Variants in CDH13 observed in about 807,000 individuals in gnomAD.
CDH13 encodes the protein cadherin 13.
In CDH13, 24 loss-of-function variants were observed where a neutral mutation model predicts 63.8. That is an observed-to-expected ratio of 0.38 (90% CI 0.27 to 0.53). CDH13 has a LOEUF of 0.53. Ranked by LOEUF, CDH13 falls within the 20% of genes least tolerant of loss-of-function variation. The probability of loss-of-function intolerance (pLI) is 0.85; values close to 1 mark genes in which losing one functional copy is unlikely to be tolerated. For missense variants in CDH13, 1,049 were observed against 903.1 expected (o/e 1.16, Z -2.07); for synonymous variants, 503 against 355.3 (o/e 1.42, Z -4.67).
chr16:82,654,953 A>G (rs1911133279), intron 1 of CDH13, among the ~76,000 whole-genome samples: 1 of 152,230 alleles, frequency 6.6e-6, no homozygotes, highest in African/African-American at 2.4e-5. Flanking sequence ...GCCCACAGCC[A>G]TAGCAAATAA....
At chr16:83,613,871 T>A (rs1248559906) in intron 8 of CDH13, among the ~76,000 whole-genome samples, 1 of 152,136 alleles carries the variant, frequency 6.6e-6, no homozygotes, top group Non-Finnish European at 1.5e-5. Context: ...ATAATTACAC[T>A]CATATTTTAA....
At chr16:83,456,767 G>T (rs1302287656) in intron 6 of CDH13, among the ~76,000 whole-genome samples, 1 of 152,160 alleles carries the variant, frequency 6.6e-6, no homozygotes, top group African/African-American at 2.4e-5. Context: ...TTCGAGACCA[G>T]CCTGGCCAAT....
In CDH13 at chr16:82,968,038, T is replaced by A. The variant is rs114161879; in HGVS notation, c.158-63972T>A. Among the ~76,000 whole-genome samples the A allele has an allele frequency of 4.7e-3, 709 of 152,294 alleles. 6 individuals are homozygous for A. The highest frequency in any genetic ancestry group is 0.016 in the African/African-American group (671 of 41,556). ...AATGGCGATTCTCTAATGGCATGAG[T>A]CCTTCTACATTTATTTGTTGGCATT... On this transcript the variant is annotated intron_variant, in intron 2 of 13. Coordinates refer to ENST00000567109, the MANE Select transcript of CDH13 (RefSeq NM_001257.5).
intron 1 of CDH13, among the ~76,000 whole-genome samples, chr16:82,746,523 T>A (rs532931219): frequency 8.6e-5 from 13 of 152,006 alleles, no homozygotes; most frequent in Non-Finnish European, 1.8e-4. Flanking sequence ...TTTTTAAAAA[T>A]CGGGTTATTA....
Position 83,771,210 on chromosome 16 carries a change from C to T in CDH13, c.1682-8758C>T, listed in dbSNP as rs80119804. Reference sequence around the variant, plus strand: ...ATATTACCCTGCTTCTCTTAGAAAACGCACAGTTCTGCCCTCCCTACACCA... The same window carrying T: ...ATATTACCCTGCTTCTCTTAGAAAATGCACAGTTCTGCCCTCCCTACACCA... On this transcript the variant is annotated intron_variant, in intron 11 of 13. Coordinates refer to ENST00000567109, the MANE Select transcript of CDH13 (RefSeq NM_001257.5). Among the ~76,000 whole-genome samples, 714 of 152,214 alleles carry T rather than the reference C, an allele frequency of 4.7e-3. 6 individuals carry two copies. The highest frequency in any genetic ancestry group is 0.015 in the South Asian group (72 of 4,818).
chr16:83,458,287 C>T (rs8060645), intron 6 of CDH13, among the ~76,000 whole-genome samples: 124,800 of 152,122 alleles, frequency 0.82, 51,307 homozygotes, highest in East Asian at 0.94. Context: ...ACTTTTTAGT[C>T]GCCTTTGAAT....
chr16:83,590,272 A>G (rs1027759913), intron 7 of CDH13, among the ~76,000 whole-genome samples: 3 of 152,160 alleles, frequency 2.0e-5, no homozygotes, highest in Non-Finnish European at 4.4e-5. Flanking sequence ...TGCATAAGTC[A>G]AGGAAGAAGA....
chr16:83,549,990 G>T (rs1414600458), intron 7 of CDH13, among the ~76,000 whole-genome samples: 1 of 152,142 alleles, frequency 6.6e-6, no homozygotes, highest in African/African-American at 2.4e-5. Context: ...AAGGAGACAG[G>T]GTTTGCCAAA....
chr16:83,643,632 G>T (rs564367227), intron 8 of CDH13, among the ~76,000 whole-genome samples: 3 of 151,892 alleles, frequency 2.0e-5, no homozygotes, highest in East Asian at 3.9e-4. Context: ...GGGTGATCTT[G>T]GCCTTTCTTG....
intron 6 of CDH13, among the ~76,000 whole-genome samples, chr16:83,405,546 A>G (rs1267453968): frequency 6.6e-6 from 1 of 152,224 alleles, no homozygotes; most frequent in East Asian, 1.9e-4. Flanking sequence ...TCATGTCACT[A>G]GAAGGAATGT....
At chr16:83,426,630 A>C (rs915459999) in intron 6 of CDH13, among the ~76,000 whole-genome samples, 1 of 152,028 alleles carries the variant, frequency 6.6e-6, no homozygotes, top group African/African-American at 2.4e-5. Context: ...GAAGAGGGGA[A>C]TCCAACATGG....
At chr16:83,370,989 A>G (rs571634112) in intron 6 of CDH13, among the ~76,000 whole-genome samples, 76 of 152,338 alleles carry the variant, frequency 5.0e-4, no homozygotes, top group Non-Finnish European at 8.5e-4. Flanking sequence ...ATAAGATACC[A>G]TCTCACACCA....
intron 8 of CDH13, among the ~76,000 whole-genome samples, chr16:83,649,746 G>A (rs1361576764): frequency 6.6e-6 from 1 of 152,044 alleles, no homozygotes. Context: ...CTGCCTTCTC[G>A]CACTCTTCCC....
intron 1 of CDH13, among the ~76,000 whole-genome samples, chr16:82,731,942 G>C (rs1024001273): frequency 6.6e-6 from 1 of 152,088 alleles, no homozygotes; most frequent in African/African-American, 2.4e-5. Flanking sequence ...AGGCCTTTGA[G>C]TGGTTCCTCC....
At chr16:82,794,962 G>T (rs1170979287) in intron 1 of CDH13, among the ~76,000 whole-genome samples, 1 of 152,144 alleles carries the variant, frequency 6.6e-6, no homozygotes, top group Non-Finnish European at 1.5e-5. Flanking sequence ...CCATTATGCT[G>T]CATCCTCCCA....
intron 10 of CDH13, among the ~76,000 whole-genome samples, chr16:83,730,745 GGTATGAGTGATCCCATCA>G (rs1341653172): frequency 6.6e-6 from 1 of 151,962 alleles, no homozygotes; most frequent in African/African-American, 2.4e-5. Context: ...TGAAGTTTGG[GGTATGAGTGATCCCATCA>G]CCCAGACAGT....
chr16:82,867,693 A>C (rs1476705046), intron 2 of CDH13, among the ~76,000 whole-genome samples: 3 of 152,212 alleles, frequency 2.0e-5, no homozygotes, highest in African/African-American at 4.8e-5. Context: ...TTGAAAAATG[A>C]AGGCAATTAA....
intron 1 of CDH13, among the ~76,000 whole-genome samples, chr16:82,775,656 G>A (rs1246132557): frequency 2.0e-5 from 3 of 152,166 alleles, no homozygotes; most frequent in Non-Finnish European, 4.4e-5. Context: ...CTGCTAAGTG[G>A]TAGAGCAAAA....
chr16:83,597,639 G>A (rs1242724916), intron 7 of CDH13, among the ~76,000 whole-genome samples: 2 of 152,084 alleles, frequency 1.3e-5, no homozygotes, highest in African/African-American at 4.8e-5. Context: ...ATATTTTTAA[G>A]GTCAGCCTTA....
Sources: gnomAD v4.1 joint callset for allele counts (sites outside exome capture counted in the v4.1 genomes callset) on GRCh38, gnomAD v4.1.1 for gene constraint, MANE v1.5 for transcripts, NCBI Gene and HGNC (gene_info 2026-07-23, HGNC 2026-07-21) for gene names.